The following SOX6 variants were observed in gnomAD, a reference collection of about 807,000 sequenced individuals.
The protein encoded by SOX6 is transcription factor SOX-6.
Under a neutral mutation model 97.8 loss-of-function variants are expected in SOX6, and 11 were observed. The ratio of observed to expected loss-of-function variants is 0.11; its 90% confidence interval spans 0.07 to 0.19. SOX6 has a LOEUF of 0.19. SOX6 is among the 10% of genes least tolerant of loss of function. SOX6 has a pLI of 1.00. For missense variants in SOX6, 810 were observed against 1,039.5 expected (o/e 0.78, Z 3.04); for synonymous variants, 360 against 371.4 (o/e 0.97, Z 0.35).
intron 6 of SOX6, among the ~76,000 whole-genome samples, chr11:16,144,320 C>A (rs956436139): frequency 1.3e-5 from 2 of 152,152 alleles, no homozygotes. Context: ...AAAGACACAA[C>A]ATACCAGAAT....
At chr11:16,054,171 A>T (rs75082810) in intron 10 of SOX6, among the ~76,000 whole-genome samples, 1 of 152,104 alleles carries the variant, frequency 6.6e-6, no homozygotes, top group Non-Finnish European at 1.5e-5. Context: ...TCCAGTAAAG[A>T]CTTGGTTTGG....
intron 7 of SOX6, among the ~76,000 whole-genome samples, chr11:16,098,940 T>C (rs546671958): frequency 2.6e-5 from 4 of 151,954 alleles, no homozygotes; most frequent in African/African-American, 9.6e-5. Flanking sequence ...GCTTGCCATA[T>C]GAAATGCTAC....
chr11:16,596,869 A>G (rs1848217609), intron 4 of SOX6, among the ~76,000 whole-genome samples: 1 of 152,176 alleles, frequency 6.6e-6, no homozygotes, highest in South Asian at 2.1e-4. Context: ...AATGCTTCTG[A>G]TCAGCATGGT....
intron 4 of SOX6, chr11:16,484,377 C>T (rs1860395797): frequency 2.5e-6 from 2 of 797,724 alleles, no homozygotes. Context: ...AGCTTCATGT[C>T]ACTAAGCGTC....
chr11:16,213,407 C>T (rs1852281837), intron 4 of SOX6, among the ~76,000 whole-genome samples: 1 of 152,048 alleles, frequency 6.6e-6, no homozygotes, highest in South Asian at 2.1e-4. Context: ...TTTTGCATCT[C>T]TCTGACACCT....
intron 1 of SOX6, among the ~76,000 whole-genome samples, chr11:16,456,806 C>T (rs1859818322): frequency 6.6e-6 from 1 of 152,034 alleles, no homozygotes; most frequent in African/African-American, 2.4e-5. Flanking sequence ...AATTTTTCCT[C>T]CAGTGAAGAA....
intron 4 of SOX6, among the ~76,000 whole-genome samples, chr11:16,543,215 C>T (rs1178738966): frequency 6.6e-6 from 1 of 152,068 alleles, no homozygotes; most frequent in Non-Finnish European, 1.5e-5. Context: ...GTGAATTTAA[C>T]TAAGCAAAAT....
At chr11:16,175,366 T>C (rs1851157107) in intron 6 of SOX6, among the ~76,000 whole-genome samples, 1 of 149,202 alleles carries the variant, frequency 6.7e-6, no homozygotes, top group Non-Finnish European at 1.5e-5. Flanking sequence ...GTATTGTAAT[T>C]ATCTTTAGGA....
intron 1 of SOX6, among the ~76,000 whole-genome samples, chr11:16,469,665 C>T (rs10832612): frequency 0.4 from 60,559 of 151,868 alleles, 12,339 homozygotes; most frequent in East Asian, 0.61. Flanking sequence ...TGTCCTTAAA[C>T]ACAGTCAGTG....
intron 3 of SOX6, among the ~76,000 whole-genome samples, chr11:16,244,148 G>A (rs1853270421): frequency 6.6e-6 from 1 of 151,816 alleles, no homozygotes; most frequent in Non-Finnish European, 1.5e-5. Flanking sequence ...ACGTATGAGT[G>A]TTCTAGTTGT....
At chr11:16,302,520 A>G (rs1346679333) in intron 3 of SOX6, among the ~76,000 whole-genome samples, 3 of 126,242 alleles carry the variant, frequency 2.4e-5, no homozygotes, top group South Asian at 2.6e-4. Flanking sequence ...GAAAAAAATT[A>G]TGGTTTCCTC....
In SOX6 at chr11:16,226,256, C is replaced by T. The variant is rs182247967; in HGVS notation, c.535+8326G>A. Among the ~76,000 whole-genome samples, 111 of 151,454 alleles carry T rather than the reference C, an allele frequency of 7.3e-4. 1 individual carries two copies. Among genetic ancestry groups the T allele is most frequent in the Non-Finnish European group, 1.4e-3 (93 of 67,866 alleles). On this transcript the variant is annotated intron_variant, in intron 4 of 15. Coordinates refer to ENST00000683767, the MANE Select transcript of SOX6 (RefSeq NM_001367873.1). ...AAATGTAAATATTGAAATAATTAAT[C>T]GTAAATGACCAAGGAAAGAAAACAC...
intron 7 of SOX6, among the ~76,000 whole-genome samples, chr11:16,105,609 A>G (rs905803181): frequency 1.3e-5 from 2 of 152,106 alleles, no homozygotes; most frequent in African/African-American, 2.4e-5. Context: ...TTCATATTCA[A>G]TGGTGAAAGA....
At chr11:16,518,579 T>C (rs1861010500) in intron 4 of SOX6, among the ~76,000 whole-genome samples, 1 of 152,196 alleles carries the variant, frequency 6.6e-6, no homozygotes, top group Admixed American at 6.6e-5. Flanking sequence ...TCTCTGAATA[T>C]CCAGAGCTCT....
chr11:16,103,381 G>A (rs1648232880), intron 7 of SOX6, among the ~76,000 whole-genome samples: 1 of 151,742 alleles, frequency 6.6e-6, no homozygotes, highest in African/African-American at 2.4e-5. Context: ...AATGATACTG[G>A]CGTGGATGTG....
chr11:16,694,767 T>G (rs1168351140), intron 3 of SOX6, among the ~76,000 whole-genome samples: 1 of 152,106 alleles, frequency 6.6e-6, no homozygotes, highest in African/African-American at 2.4e-5. Flanking sequence ...AACACACAGT[T>G]AGTCCTCTAT....
intron 4 of SOX6, among the ~76,000 whole-genome samples, chr11:16,562,627 C>T (rs7116277): frequency 0.11 from 15,987 of 152,022 alleles, 908 homozygotes; most frequent in Non-Finnish European, 0.14. Context: ...CCGGAAATGT[C>T]AAAGAAAACC....
At chr11:16,437,292 G>A (rs1173516025) in intron 1 of SOX6, among the ~76,000 whole-genome samples, 4 of 151,008 alleles carry the variant, frequency 2.6e-5, no homozygotes, top group Non-Finnish European at 5.9e-5. Context: ...TAAAAAAAAG[G>A]TAAGGGCCTT....
chr11:16,511,648 G>A (rs1860881288), intron 4 of SOX6, among the ~76,000 whole-genome samples: 1 of 152,128 alleles, frequency 6.6e-6, no homozygotes, highest in Non-Finnish European at 1.5e-5. Context: ...GTTGTCTGCA[G>A]TGGTGAATCA....
Sources: allele counts gnomAD v4.1 joint callset (sites outside exome capture counted in the v4.1 genomes callset), GRCh38; gene constraint gnomAD v4.1.1; transcripts MANE v1.5; gene names NCBI Gene and HGNC (gene_info 2026-07-23, HGNC 2026-07-21).